The following TEX11 variants were observed in gnomAD, a reference collection of about 807,000 sequenced individuals.
The protein encoded by TEX11 is testis expressed 11.
TEX11 carries 7 observed loss-of-function variants against 84.4 expected under a neutral mutation model. The observed-to-expected ratio is 0.08, with a 90% CI of 0.05 to 0.16. TEX11 has a LOEUF of 0.16. Ranked by LOEUF, TEX11 falls within the 10% of genes least tolerant of loss-of-function variation. The probability of loss-of-function intolerance (pLI) is 1.00; values close to 1 mark genes in which losing one functional copy is unlikely to be tolerated. For synonymous variants in TEX11, 264 were observed against 222.8 expected (o/e 1.18, Z -1.64); for missense variants, 551 against 660.5 (o/e 0.83, Z 1.82).
At chrX:70,516,388 C>A in the TEX11 span, among the ~76,000 whole-genome samples, 1 of 111,834 alleles carries the variant, frequency 8.9e-6, no homozygotes. Flanking sequence ...ATCCTTTCCC[C>A]ATTTCTTGTT....
intron 13 of TEX11, among the ~76,000 whole-genome samples, chrX:70,705,001 G>A (rs917664158): frequency 4.7e-4 from 52 of 111,485 alleles, no homozygotes; most frequent in Non-Finnish European, 7.3e-4. Context: ...TCCAGTTTCA[G>A]CTTTCTACAT....
rs182789090 is a variant in TEX11 at position 70,818,027 on chromosome X, G to A, written c.607-11237C>T. 2.3e-3 allele frequency among the ~76,000 whole-genome samples: 251 copies of A among 111,494 alleles called. 1 individual carries two copies. Among genetic ancestry groups the A allele is most frequent in the African/African-American group, 8.0e-3 (245 of 30,711 alleles). On this transcript the variant is annotated intron_variant, in intron 8 of 29. Transcript: ENST00000374333. ...AAAACAGCTCTCAGAGAGCTCCAGAGCCTGTAATCCCAGCACTTTGGAAGG... is the reference window on the plus strand; with the variant it reads ...AAAACAGCTCTCAGAGAGCTCCAGAACCTGTAATCCCAGCACTTTGGAAGG...
intron 7 of TEX11, among the ~76,000 whole-genome samples, chrX:70,841,747 G>A (rs2091446019): frequency 1.0e-5 from 1 of 98,069 alleles, no homozygotes; most frequent in Non-Finnish European, 2.1e-5. Flanking sequence ...GACTAATAAA[G>A]AAGAAAAGAG....
intron 3 of TEX11, among the ~76,000 whole-genome samples, chrX:70,874,395 C>CAT (rs2091644913): frequency 4.2e-5 from 2 of 48,066 alleles, no homozygotes; most frequent in East Asian, 2.0e-3. Flanking sequence ...TGATGACTTC[C>CAT]TTTTTTTTTT....
At chrX:70,793,331 TG>T (rs958263683) in intron 9 of TEX11, among the ~76,000 whole-genome samples, 3 of 111,421 alleles carry the variant, frequency 2.7e-5, no homozygotes, top group African/African-American at 9.8e-5. Context: ...CATAGTACTG[TG>T]GTGTAGTTTG....
intron 17 of TEX11, among the ~76,000 whole-genome samples, chrX:70,640,118 G>T (rs1372628284): frequency 9.1e-6 from 1 of 109,584 alleles, no homozygotes. Flanking sequence ...ACTACCTGAA[G>T]AATGCAGAAG....
At chrX:70,585,220 A>G (rs1029606247) in intron 25 of TEX11, among the ~76,000 whole-genome samples, 1 of 112,372 alleles carries the variant, frequency 8.9e-6, no homozygotes, top group African/African-American at 3.2e-5. Context: ...TTGTGTTTCT[A>G]TACATCAGCA....
chrX:70,531,004 C>A (rs889385286), intron 28 of TEX11, among the ~76,000 whole-genome samples: 3 of 110,768 alleles, frequency 2.7e-5, no homozygotes, highest in African/African-American at 9.9e-5. Context: ...ACTCCTCATC[C>A]TTGTCCACTT....
chrX:70,846,676 C>A (rs186485402), intron 7 of TEX11, among the ~76,000 whole-genome samples: 1 of 111,857 alleles, frequency 8.9e-6, no homozygotes, highest in Non-Finnish European at 1.9e-5. Context: ...GTAATCCCAG[C>A]AGTTTGGGAG....
At chrX:70,554,928 T>C in intron 25 of TEX11, 128 bp from the exon 26 acceptor site, 1 of 599,518 alleles carries the variant, frequency 1.7e-6, no homozygotes, top group Non-Finnish European at 2.5e-6. Context: ...TTGAAGGTCA[T>C]CTTCACTGCT....
intron 10 of TEX11, among the ~76,000 whole-genome samples, chrX:70,743,018 C>T (rs1310810428): frequency 1.8e-5 from 2 of 111,594 alleles, no homozygotes; most frequent in East Asian, 2.8e-4. Context: ...AACTGAAACT[C>T]TATACCCACT....
chrX:70,746,760 G>A (rs1018885833), intron 9 of TEX11, among the ~76,000 whole-genome samples: 6 of 112,085 alleles, frequency 5.4e-5, no homozygotes, highest in Non-Finnish European at 9.4e-5. Context: ...TAGCAATAAG[G>A]GAAACAGCAG....
At chrX:70,639,161 C>A (rs141043725) in intron 17 of TEX11, among the ~76,000 whole-genome samples, 3 of 110,459 alleles carry the variant, frequency 2.7e-5, no homozygotes, top group Non-Finnish European at 5.7e-5. Flanking sequence ...GGGTGACGGA[C>A]GGCACCTGGA....
chrX:70,526,565 T>C (rs1483514833), downstream of TEX11, among the ~76,000 whole-genome samples: 4 of 98,910 alleles, frequency 4.0e-5, no homozygotes, highest in African/African-American at 1.5e-4. Context: ...CAAGACTCCG[T>C]CTAAAAAAAA....
At chrX:70,764,640 G>A (rs1245296620) in intron 9 of TEX11, among the ~76,000 whole-genome samples, 1 of 111,407 alleles carries the variant, frequency 9.0e-6, no homozygotes, top group Non-Finnish European at 1.9e-5. Context: ...AGATCAAAGA[G>A]GAGACACAAC....
chrX:70,573,319 C>T (rs1262419977), intron 25 of TEX11, among the ~76,000 whole-genome samples: 3 of 111,621 alleles, frequency 2.7e-5, no homozygotes, highest in Non-Finnish European at 3.8e-5. Flanking sequence ...AAATGGAATG[C>T]TGCCAAAAGT....
At chrX:70,794,941 C>CA (rs1178552577) in intron 9 of TEX11, among the ~76,000 whole-genome samples, 1 of 104,153 alleles carries the variant, frequency 9.6e-6, no homozygotes, top group African/African-American at 3.5e-5. Flanking sequence ...TTCTGCTTGA[C>CA]AAAAAAAAGG....
At chrX:70,799,554 C>T (rs2091174898) in intron 9 of TEX11, among the ~76,000 whole-genome samples, 1 of 111,669 alleles carries the variant, frequency 9.0e-6, no homozygotes, top group African/African-American at 3.2e-5. Context: ...TTGAGCATCC[C>T]AAAAAACTGT....
chrX:70,908,160 G>C (rs73550390), intron 1 of TEX11, among the ~76,000 whole-genome samples: 2 of 111,352 alleles, frequency 1.8e-5, no homozygotes, highest in African/African-American at 6.5e-5. Context: ...CCTTTTTCCC[G>C]CTCTGTGAGA....
Sources: allele counts gnomAD v4.1 joint callset (sites outside exome capture counted in the v4.1 genomes callset), GRCh38; gene constraint gnomAD v4.1.1; transcripts MANE v1.5; gene names NCBI Gene and HGNC (gene_info 2026-07-23, HGNC 2026-07-21).